The following PTPN14 variants were observed in gnomAD, a reference collection of about 807,000 sequenced individuals.
PTPN14 encodes tyrosine-protein phosphatase non-receptor type 14.
PTPN14 carries 53 observed loss-of-function variants against 126.8 expected under a neutral mutation model. The observed-to-expected ratio is 0.42, with a 90% CI of 0.34 to 0.53. The LOEUF (loss-of-function observed/expected upper bound fraction) is 0.53. Among genes scored for constraint, PTPN14 ranks in the 20% least tolerant of loss-of-function variants. The pLI is 0.08. For missense variants in PTPN14, 1,257 were observed against 1,552.9 expected (o/e 0.81, Z 3.20); for synonymous variants, 630 against 599.3 (o/e 1.05, Z -0.75).
At chr1:214,536,741 T>A (rs1655718259) in intron 1 of PTPN14, among the ~76,000 whole-genome samples, 1 of 152,174 alleles carries the variant, frequency 6.6e-6, no homozygotes, top group Non-Finnish European at 1.5e-5. Flanking sequence ...ACAGAAATTA[T>A]GTATAGATTA....
intron 1 of PTPN14, among the ~76,000 whole-genome samples, chr1:214,492,242 C>A (rs1040782718): frequency 2.0e-5 from 3 of 151,544 alleles, no homozygotes; most frequent in African/African-American, 7.3e-5. Context: ...AAAGATCATC[C>A]CTGCCCCCCA....
At chr1:214,474,625 T>G (rs544154863) in intron 1 of PTPN14, among the ~76,000 whole-genome samples, 1 of 152,318 alleles carries the variant, frequency 6.6e-6, no homozygotes, top group East Asian at 1.9e-4. Flanking sequence ...CATTTTTAAG[T>G]AAGTCCCATC....
chr1:214,447,999 T>C (rs1660183712), intron 3 of PTPN14, among the ~76,000 whole-genome samples: 2 of 152,204 alleles, frequency 1.3e-5, no homozygotes, highest in Non-Finnish European at 2.9e-5. Flanking sequence ...AGAAAAGTCC[T>C]TCCTAAATCC....
At chr1:214,358,263 T>C (rs1300545363) in intron 18 of PTPN14, among the ~76,000 whole-genome samples, 3 of 152,182 alleles carry the variant, frequency 2.0e-5, no homozygotes, top group Non-Finnish European at 4.4e-5. Context: ...GGATATTTTA[T>C]TTTTATTTAA....
intron 2 of PTPN14, among the ~76,000 whole-genome samples, chr1:214,459,472 CTTT>C (rs1553268612): frequency 7.4e-5 from 8 of 108,650 alleles, no homozygotes; most frequent in African/African-American, 1.6e-4. Flanking sequence ...TCTTTTCTTT[CTTT>C]TTTTTTTTTT....
At chr1:214,530,300 C>T (rs1019042901) in intron 1 of PTPN14, 3 of 150,980 alleles carry the variant, frequency 2.0e-5, no homozygotes, top group Non-Finnish European at 4.4e-5. Flanking sequence ...CCAAAAAGCT[C>T]TAAAAATCTA....
chr1:214,455,936 CA>C (rs1465800327), intron 2 of PTPN14, among the ~76,000 whole-genome samples: 3 of 152,110 alleles, frequency 2.0e-5, no homozygotes, highest in African/African-American at 7.2e-5. Context: ...ACCTTTTGCT[CA>C]ATCTTGCTGT....
chr1:214,524,163 A>G (rs1437770680), intron 1 of PTPN14, among the ~76,000 whole-genome samples: 4 of 151,962 alleles, frequency 2.6e-5, no homozygotes, highest in African/African-American at 7.2e-5. Flanking sequence ...TAGATTCTAT[A>G]GTATGCTACA....
At chr1:214,494,562 T>C (rs1434363793) in intron 1 of PTPN14, among the ~76,000 whole-genome samples, 1 of 152,248 alleles carries the variant, frequency 6.6e-6, no homozygotes, top group Non-Finnish European at 1.5e-5. Context: ...TTTAACTTTA[T>C]GCTCTGTTGT....
chr1:214,518,136 G>A (rs1280358343), intron 1 of PTPN14, among the ~76,000 whole-genome samples: 1 of 152,118 alleles, frequency 6.6e-6, no homozygotes, highest in Non-Finnish European at 1.5e-5. Context: ...ATTGAACTGG[G>A]TACTGTATCC....
chr1:214,364,447 G>A lies in PTPN14; in HGVS notation c.3435+65C>T. 6.4e-7 allele frequency: 1 copy of A among 1,550,714 alleles called. No individual in the cohort carries two copies. ...TGAAAATGCAAGGGTGCAGGCAAAG[G>A]TTTGGCCAGGGTGTAGACTTGTCCC... On this transcript the variant is annotated intron_variant, in intron 18 of 18. Transcript: ENST00000366956. The surrounding 1 kb of genome is among the most constrained non-coding windows in gnomAD (Gnocchi z 4.1).
At chr1:214,428,143 C>T (rs778040494) in intron 3 of PTPN14, among the ~76,000 whole-genome samples, 12 of 152,016 alleles carry the variant, frequency 7.9e-5, no homozygotes, top group African/African-American at 2.4e-4. Context: ...AGGGTGGAAG[C>T]GGAAATGCCA....
At chr1:214,370,092 A>G (rs1658181154) in intron 16 of PTPN14, among the ~76,000 whole-genome samples, 1 of 152,168 alleles carries the variant, frequency 6.6e-6, no homozygotes, top group African/African-American at 2.4e-5. Context: ...CATCCTGGCT[A>G]ACATGGTGAA....
At chr1:214,472,912 G>A (rs1021181267) in intron 1 of PTPN14, among the ~76,000 whole-genome samples, 2 of 152,228 alleles carry the variant, frequency 1.3e-5, no homozygotes, top group African/African-American at 2.4e-5. Context: ...AAGTGTTGTA[G>A]TGTGCCCATG....
chr1:214,367,466 T>C (rs1224811293), intron 17 of PTPN14, among the ~76,000 whole-genome samples: 1 of 152,210 alleles, frequency 6.6e-6, no homozygotes, highest in Non-Finnish European at 1.5e-5. Flanking sequence ...TGTAAATCAG[T>C]ATTTTTAGGT....
At chr1:214,501,199 G>C (rs1654685421) in intron 1 of PTPN14, among the ~76,000 whole-genome samples, 1 of 152,132 alleles carries the variant, frequency 6.6e-6, no homozygotes, top group African/African-American at 2.4e-5. Flanking sequence ...AGCCATGTGA[G>C]AGCTGGTTAA....
chr1:214,354,426 T>G lies in PTPN14; in HGVS notation c.*3496A>C, dbSNP rs1018856327. On this transcript the variant is annotated 3_prime_UTR_variant, in exon 19 of 19. Coordinates refer to ENST00000366956, the MANE Select transcript of PTPN14 (RefSeq NM_005401.5). Reference sequence around the variant, plus strand: ...TTTTTCATGCAACTAAATCCTCCTTTACTTCCTATCTGGGGAAAGAAGTGC... The same window carrying G: ...TTTTTCATGCAACTAAATCCTCCTTGACTTCCTATCTGGGGAAAGAAGTGC... The G allele has an allele frequency of 6.6e-6, 1 of 152,230 alleles. No individual in the cohort carries two copies. The highest frequency in any genetic ancestry group is 2.4e-5 in the African/African-American group (1 of 41,458). 9.4% of individuals were successfully genotyped at this position (152,230 alleles called of 1,614,324 possible). A position where few individuals can be genotyped will look rare whatever the true frequency, so the allele number is the denominator to read the frequency against.
At chr1:214,426,296 C>G (rs1471841304) in intron 3 of PTPN14, among the ~76,000 whole-genome samples, 1 of 151,976 alleles carries the variant, frequency 6.6e-6, no homozygotes, top group East Asian at 1.9e-4. Context: ...CAAAATCATG[C>G]TTGATATTTT....
intron 3 of PTPN14, among the ~76,000 whole-genome samples, chr1:214,428,568 C>T (rs1659721131): frequency 6.6e-6 from 1 of 152,088 alleles, no homozygotes; most frequent in Non-Finnish European, 1.5e-5. Flanking sequence ...AAATCCTCTG[C>T]CTATTTTTGT....
Sources: gnomAD v4.1 joint callset for allele counts (sites outside exome capture counted in the v4.1 genomes callset) on GRCh38, gnomAD v4.1.1 for gene constraint, Gnocchi (gnomAD v3.1) non-coding constraint, MANE v1.5 for transcripts, NCBI Gene and HGNC (gene_info 2026-07-23, HGNC 2026-07-21) for gene names.